The following ITGA4 variants were observed in gnomAD, a reference collection of about 807,000 sequenced individuals.
The protein encoded by ITGA4 is integrin subunit alpha 4.
A neutral mutation model predicts 133.6 loss-of-function variants in ITGA4; 63 were observed. The ratio of observed to expected loss-of-function variants is 0.47; its 90% confidence interval spans 0.38 to 0.58. The LOEUF (loss-of-function observed/expected upper bound fraction) is 0.58. Among genes scored for constraint, ITGA4 ranks in the 20% least tolerant of loss-of-function variants. ITGA4 has a pLI of 0.00. For missense variants in ITGA4, 1,076 were observed against 1,252.7 expected, an observed-to-expected ratio of 0.86 and a Z score of 2.13; for synonymous variants, 483 against 438.0, an observed-to-expected ratio of 1.10 and a Z score of -1.28.
At chr2:181,492,479 A>C (rs1686072073) in intron 10 of ITGA4, among the ~76,000 whole-genome samples, 1 of 152,202 alleles carries the variant, frequency 6.6e-6, no homozygotes, top group Middle Eastern at 3.2e-3. Context: ...CTATTAAATA[A>C]ACCATTGCAT....
intron 2 of ITGA4, among the ~76,000 whole-genome samples, chr2:181,462,858 C>G (rs1215988978): frequency 6.6e-6 from 1 of 152,186 alleles, no homozygotes; most frequent in Non-Finnish European, 1.5e-5. Context: ...GTTCTAGGGT[C>G]AGATGCTGAA....
chr2:181,524,969 A>AG (rs1486696448), intron 20 of ITGA4, among the ~76,000 whole-genome samples: 1 of 152,090 alleles, frequency 6.6e-6, no homozygotes, highest in East Asian at 1.9e-4. Flanking sequence ...TAAAAAAAAA[A>AG]AAATTCCTCT....
chr2:181,534,132 G>A (rs1687002220), intron 25 of ITGA4, 140 bp from the exon 26 acceptor site: 1 of 586,466 alleles, frequency 1.7e-6, no homozygotes, highest in African/African-American at 1.9e-5. Flanking sequence ...AACCAAAGGA[G>A]GCACTGCAGT....
At position 181,494,728 on chromosome 2, in the gene ITGA4, G is replaced by A; in HGVS notation, c.1255G>A (p.Glu419Lys). The A allele has an allele frequency of 6.3e-7, 1 of 1,582,256 alleles. No individual in the cohort carries two copies. The highest frequency in any genetic ancestry group is 1.1e-5 in the South Asian group (1 of 90,428). Residue 419 changes from glutamate (E) to lysine (K), a missense_variant, in exon 12 of 28, where the codon GAA (glutamate) becomes AAA (lysine). Transcript: ENST00000397033. ...GISSTFSQRI[E>K]GLQISKSLSM... Reference sequence around the variant, plus strand: ...CAACTTTCCTATTTTTCAGAGAATTGAAGGACTTCAGATCAGCAAATCGTT... The same window carrying A: ...CAACTTTCCTATTTTTCAGAGAATTAAAGGACTTCAGATCAGCAAATCGTT...
chr2:181,458,154 C>A (rs201470989), intron 1 of ITGA4, 42 bp from the exon 2 acceptor site: 1 of 1,613,016 alleles, frequency 6.2e-7, no homozygotes, highest in Non-Finnish European at 8.5e-7. Context: ...CAGTGGGCAG[C>A]ACAGCTCACG....
chr2:181,527,022 G>C (rs948271088), intron 21 of ITGA4, among the ~76,000 whole-genome samples: 1 of 151,354 alleles, frequency 6.6e-6, no homozygotes, highest in African/African-American at 2.4e-5. Flanking sequence ...TTTTAGTAGA[G>C]ATTGGGTTTC....
chr2:181,533,215 C>A (rs6748657), intron 25 of ITGA4, among the ~76,000 whole-genome samples: 85,604 of 151,924 alleles, frequency 0.56, 24,406 homozygotes, highest in South Asian at 0.83. Flanking sequence ...TTTTTATAAG[C>A]ACTTAGTTCA....
intron 10 of ITGA4, among the ~76,000 whole-genome samples, chr2:181,491,101 C>A (rs1686042593): frequency 6.6e-6 from 1 of 152,104 alleles, no homozygotes; most frequent in Non-Finnish European, 1.5e-5. Flanking sequence ...TATGTGATAG[C>A]CAGAGATTGA....
At chr2:181,470,799 C>T (rs531306934) in intron 2 of ITGA4, among the ~76,000 whole-genome samples, 2 of 152,176 alleles carry the variant, frequency 1.3e-5, no homozygotes, top group Non-Finnish European at 2.9e-5. Context: ...TACAAGAGCC[C>T]AGGAGTTTGA....
Position 181,522,188 on chromosome 2 carries a change from T to A in ITGA4, c.1923-3T>A. ...GAACTAAATAATATTACTTAATTTT[T>A]AGGCCCCATGAAAATAAAACATATC... On this transcript the variant is annotated splice_region_variant and splice_polypyrimidine_tract_variant and intron_variant, in intron 17 of 27. Coordinates refer to ENST00000397033, the MANE Select transcript of ITGA4 (RefSeq NM_000885.6). The A allele has an allele frequency of 6.4e-7, 1 of 1,558,990 alleles. No homozygotes were observed. Among genetic ancestry groups the A allele is most frequent in the South Asian group, 1.2e-5 (1 of 84,798 alleles).
In ITGA4 at chr2:181,480,119, G is replaced by GA; in HGVS notation, c.625-18_625-17insA. 7.5e-7 allele frequency: 1 copy of GA among 1,338,144 alleles called. No individual in the cohort carries two copies. The highest frequency in any genetic ancestry group is 1.0e-6 in the Non-Finnish European group (1 of 990,982). 82.9% of individuals were successfully genotyped at this position (1,338,144 alleles called of 1,614,324 possible). The stretch of plus-strand genomic sequence containing the variant: ...TGAGATTAAAGTTTAAATAATAATA[G>GA]TTTTTTTTTTCTTACAGGATTTAAT... On this transcript the variant is annotated splice_polypyrimidine_tract_variant and intron_variant, in intron 5 of 27. Coordinates refer to ENST00000397033, the MANE Select transcript of ITGA4 (RefSeq NM_000885.6).
At chr2:181,504,633 T>C (rs148538018) in intron 15 of ITGA4, among the ~76,000 whole-genome samples, 2 of 152,088 alleles carry the variant, frequency 1.3e-5, no homozygotes, top group East Asian at 3.9e-4. Context: ...TATTATAACA[T>C]GTGAATTCTT....
intron 6 of ITGA4, among the ~76,000 whole-genome samples, chr2:181,480,908 G>T (rs1180081244): frequency 6.6e-6 from 1 of 151,912 alleles, no homozygotes; most frequent in African/African-American, 2.4e-5. Context: ...AACTTTTCTG[G>T]CATTAATGTC....
chr2:181,466,656 G>T (rs1685423860), intron 2 of ITGA4, among the ~76,000 whole-genome samples: 1 of 152,002 alleles, frequency 6.6e-6, no homozygotes, highest in African/African-American at 2.4e-5. Context: ...ATTGCCACCA[G>T]GTTTAACTAG....
rs1170220257 is a variant in ITGA4, at chr2:181,536,729, T to TAAATGACTTTCTGGATTTTAA, written c.*1206_*1226dup. 4.0e-6 allele frequency: 1 copy of TAAATGACTTTCTGGATTTTAA among 248,118 alleles called. No individual in the cohort carries two copies. Among genetic ancestry groups the TAAATGACTTTCTGGATTTTAA allele is most frequent in the African/African-American group, 2.3e-5 (1 of 43,562 alleles). 15.4% of individuals were successfully genotyped at this position (248,118 alleles called of 1,614,324 possible). A position where few individuals can be genotyped will look rare whatever the true frequency, so the allele number is the denominator to read the frequency against. ...GTTCATACTATATGAGGTTCTATTT[T>TAAATGACTTTCTGGATTTTAA]AAATGACTTTCTGGATTTTAAAAAA... On this transcript the variant is annotated 3_prime_UTR_variant, in exon 28 of 28. Coordinates refer to ENST00000397033, the MANE Select transcript of ITGA4 (RefSeq NM_000885.6).
intron 10 of ITGA4, among the ~76,000 whole-genome samples, chr2:181,491,113 T>C (rs1172714213): frequency 6.6e-6 from 1 of 152,234 alleles, no homozygotes; most frequent in Non-Finnish European, 1.5e-5. Context: ...AGAGATTGAA[T>C]ATACCCAAGT....
At chr2:181,484,228 A>T (rs752241990) in intron 9 of ITGA4, among the ~76,000 whole-genome samples, 9 of 152,154 alleles carry the variant, frequency 5.9e-5, no homozygotes, top group Non-Finnish European at 1.2e-4. Flanking sequence ...AGAGTCCTAG[A>T]CAAGTAGGTG....
chr2:181,536,315 C>A lies in ITGA4; in HGVS notation c.*788C>A, dbSNP rs1388176965. On this transcript the variant is annotated 3_prime_UTR_variant, in exon 28 of 28. Transcript: ENST00000397033. ...CTATAACACACCTTTATCAAGCATA[C>A]CCAGGAGTAATCTTCAAATCTTTTG... 6.6e-6 allele frequency: 1 copy of A among 151,982 alleles called. No individual in the cohort carries two copies. Among genetic ancestry groups the A allele is most frequent in the Non-Finnish European group, 1.5e-5 (1 of 67,966 alleles). 9.4% of individuals were successfully genotyped at this position (151,982 alleles called of 1,614,324 possible).
Position 181,493,396 on chromosome 2 carries a change from G to A in ITGA4, c.1225G>A (p.Gly409Arg). ...AIYIYNGRAD[G>R]ISSTFSQRIE... ...TTATATTTACAATGGCCGTGCAGATGGGATCTCGTCAACCTTCTCACAGGT... is the reference window on the plus strand; with the variant it reads ...TTATATTTACAATGGCCGTGCAGATAGGATCTCGTCAACCTTCTCACAGGT... Residue 409 changes from glycine (G) to arginine (R), a missense_variant, in exon 11 of 28, where the codon GGG becomes AGG. Gly to Arg is a moderately radical substitution (Grantham distance 125). Around this residue, in one of 4 missense-constraint regions of ITGA4, gnomAD observed 436 missense variants for 590.7 expected, o/e 0.74. Coordinates refer to ENST00000397033, the MANE Select transcript of ITGA4 (RefSeq NM_000885.6). 10 of 1,610,992 alleles carry A rather than the reference G, an allele frequency of 6.2e-6. No homozygotes were observed. Among genetic ancestry groups the A allele is most frequent in the Non-Finnish European group, 8.5e-6 (10 of 1,177,564 alleles).
Sources: allele counts gnomAD v4.1 joint callset (sites outside exome capture counted in the v4.1 genomes callset), GRCh38; gene constraint gnomAD v4.1.1; regional missense constraint gnomAD v4.1.1; transcripts MANE v1.5; gene names NCBI Gene and HGNC (gene_info 2026-07-23, HGNC 2026-07-21).